Variants in SAMD3 observed in about 807,000 individuals in gnomAD.
SAMD3 encodes the protein sterile alpha motif domain containing 3.
A neutral mutation model predicts 58.5 loss-of-function variants in SAMD3; 63 were observed. That is an observed-to-expected ratio of 1.08 (90% CI 0.88 to 1.33). SAMD3 has a LOEUF of 1.33. Ranked by LOEUF, SAMD3 falls within the 40% of genes most tolerant of loss-of-function variation. The probability of loss-of-function intolerance (pLI) is 0.00; values close to 1 mark genes in which losing one functional copy is unlikely to be tolerated. For missense variants in SAMD3, 604 were observed against 608.4 expected (o/e 0.99, Z 0.08); for synonymous variants, 220 against 210.3 (o/e 1.05, Z -0.40).
At chr6:130,340,645 T>C (rs1777240391) in intron 1 of SAMD3, among the ~76,000 whole-genome samples, 1 of 152,228 alleles carries the variant, frequency 6.6e-6, no homozygotes, top group African/African-American at 2.4e-5. Flanking sequence ...AGGGTTAAAG[T>C]AAAATGAAAA....
At position 130,145,342 on chromosome 6, in the gene SAMD3, GTTCA is replaced by G. The variant is rs541432275; in HGVS notation, c.1272_1275del (p.Glu425ArgfsTer26). 1.2e-4 allele frequency: 188 copies of G among 1,595,162 alleles called. 1 individual carries two copies. In the African/African-American group the frequency reaches 2.2e-3, roughly 18 times the overall value. ...GTGGCCATTCACATACTACATACCT[GTTCA>G]TTCATGATGACAAAAAGGCTGGGAT... On this transcript the variant is annotated frameshift_variant, in exon 11 of 12. Coordinates refer to ENST00000439090, the MANE Select transcript of SAMD3 (RefSeq NM_001017373.4). LOFTEE classifies it high-confidence loss of function.
At chr6:130,202,682 C>T (rs1403284649) in intron 5 of SAMD3, among the ~76,000 whole-genome samples, 1 of 152,140 alleles carries the variant, frequency 6.6e-6, no homozygotes, top group Non-Finnish European at 1.5e-5. Flanking sequence ...CTATAAGACT[C>T]CTCAAAGCCT....
chr6:130,354,904 C>A (rs1323198298), intron 1 of SAMD3, among the ~76,000 whole-genome samples: 2 of 152,148 alleles, frequency 1.3e-5, no homozygotes, highest in Non-Finnish European at 2.9e-5. Context: ...GACCTGCTAA[C>A]CTTTTAAACC....
intron 2 of SAMD3, among the ~76,000 whole-genome samples, chr6:130,266,900 C>T (rs1400734297): frequency 6.6e-6 from 1 of 152,186 alleles, no homozygotes; most frequent in African/African-American, 2.4e-5. Flanking sequence ...CACTTGGGCA[C>T]AAGATGGCTC....
chr6:130,205,866 G>A (rs1795043050), intron 5 of SAMD3, among the ~76,000 whole-genome samples: 1 of 152,230 alleles, frequency 6.6e-6, no homozygotes, highest in African/African-American at 2.4e-5. Flanking sequence ...AGGATGTTGA[G>A]CAGAGGAAGA....
rs992025748 is a variant in SAMD3 at position 130,222,783 on chromosome 6, A to T, written c.-157T>A. On this transcript the variant is annotated 5_prime_UTR_variant, in exon 1 of 12. Transcript: ENST00000439090. ...CCCTCCTCCCCAGGCAAATCCGATCAGTGGATGTGGTTCTGGTTCCTTTGT... is the reference window on the plus strand; with the variant it reads ...CCCTCCTCCCCAGGCAAATCCGATCTGTGGATGTGGTTCTGGTTCCTTTGT... 6.6e-5 allele frequency: 10 copies of T among 152,242 alleles called. No individual in the cohort carries two copies. Among genetic ancestry groups the T allele is most frequent in the African/African-American group, 2.2e-4 (9 of 41,466 alleles). The allele number at this position is 152,242 out of a possible 1,614,324, so 9.4% of individuals were successfully genotyped here. A position where few individuals can be genotyped will look rare whatever the true frequency, so the allele number is the denominator to read the frequency against.
At chr6:130,142,840 C>T (rs1788345205), downstream of SAMD3, 1 of 151,988 alleles carries the variant, frequency 6.6e-6, no homozygotes, top group Non-Finnish European at 1.5e-5. Context: ...TCTGTAAGAA[C>T]TTGGTAAGTT....
chr6:130,148,874 C>A (rs978065174), intron 9 of SAMD3, among the ~76,000 whole-genome samples: 3 of 151,966 alleles, frequency 2.0e-5, no homozygotes, highest in African/African-American at 7.3e-5. Flanking sequence ...AAAAAAAACC[C>A]AACCAAAAAA....
chr6:130,201,303 T>A, intron 5 of SAMD3, among the ~76,000 whole-genome samples: 1 of 152,194 alleles, frequency 6.6e-6, no homozygotes, highest in Admixed American at 6.5e-5. Context: ...CAATTCTCAC[T>A]ATACATTATA....
intron 2 of SAMD3, among the ~76,000 whole-genome samples, chr6:130,292,495 C>G (rs1028586951): frequency 1.3e-5 from 2 of 151,648 alleles, no homozygotes; most frequent in Non-Finnish European, 2.9e-5. Flanking sequence ...CCCTGTTGGC[C>G]GGGCTGGTCT....
chr6:130,251,743 C>A (rs947111551), intron 2 of SAMD3, among the ~76,000 whole-genome samples: 2 of 152,070 alleles, frequency 1.3e-5, no homozygotes, highest in Non-Finnish European at 2.9e-5. Context: ...TGTGCCAGTA[C>A]CATACAATCT....
chr6:130,196,064 A>C (rs1230077824), intron 5 of SAMD3, among the ~76,000 whole-genome samples: 1 of 152,122 alleles, frequency 6.6e-6, no homozygotes, highest in Non-Finnish European at 1.5e-5. Flanking sequence ...ACACAGCTGA[A>C]GTGCAGGGCT....
chr6:130,263,123 A>G (rs1774201953), intron 2 of SAMD3, among the ~76,000 whole-genome samples: 1 of 152,242 alleles, frequency 6.6e-6, no homozygotes, highest in South Asian at 2.1e-4. Flanking sequence ...TACAGGAAGC[A>G]TTGTTAAATG....
At chr6:130,164,146 T>C (rs564569234) in intron 8 of SAMD3, among the ~76,000 whole-genome samples, 2 of 151,500 alleles carry the variant, frequency 1.3e-5, no homozygotes, top group Admixed American at 1.3e-4. Context: ...GTTGTTCCAG[T>C]ATATATTTGA....
At chr6:130,219,352 A>T (rs1277673744) in intron 1 of SAMD3, among the ~76,000 whole-genome samples, 1 of 151,790 alleles carries the variant, frequency 6.6e-6, no homozygotes, top group Admixed American at 6.6e-5. Context: ...TTTTATTTTC[A>T]TAGGTTATTG....
At chr6:130,353,077 A>C (rs1777728192) in intron 1 of SAMD3, among the ~76,000 whole-genome samples, 1 of 152,168 alleles carries the variant, frequency 6.6e-6, no homozygotes, top group African/African-American at 2.4e-5. Flanking sequence ...TTGAAATGCT[A>C]TACTCACTAC....
At chr6:130,269,711 A>G (rs568851480) in intron 2 of SAMD3, among the ~76,000 whole-genome samples, 3 of 132,358 alleles carry the variant, frequency 2.3e-5, no homozygotes, top group Admixed American at 8.2e-5. Flanking sequence ...TTTCATTTTA[A>G]ATGTTTCTGT....
intron 8 of SAMD3, among the ~76,000 whole-genome samples, chr6:130,164,502 C>T (rs1370167231): frequency 6.6e-6 from 1 of 152,164 alleles, no homozygotes; most frequent in Non-Finnish European, 1.5e-5. Context: ...TTCATTGCTT[C>T]ATGAAGCAGC....
At chr6:130,362,175 G>A (rs1220096574) in intron 1 of SAMD3, among the ~76,000 whole-genome samples, 3 of 152,236 alleles carry the variant, frequency 2.0e-5, no homozygotes, top group Non-Finnish European at 4.4e-5. Flanking sequence ...CATATGAACA[G>A]TGCCCTAGTG....
Sources: allele counts gnomAD v4.1 joint callset (sites outside exome capture counted in the v4.1 genomes callset), GRCh38; gene constraint gnomAD v4.1.1; transcripts MANE v1.5; gene names NCBI Gene and HGNC (gene_info 2026-07-23, HGNC 2026-07-21).